The following PHACTR3 variants were observed in gnomAD, a reference collection of about 807,000 sequenced individuals.
The protein encoded by PHACTR3 is protein phosphatase 1, regulatory subunit 123.
A neutral mutation model predicts 66.8 loss-of-function variants in PHACTR3; 16 were observed. The observed-to-expected ratio is 0.24, with a 90% CI of 0.16 to 0.36. The LOEUF (loss-of-function observed/expected upper bound fraction) is 0.36. Among genes scored for constraint, PHACTR3 ranks in the 10% least tolerant of loss-of-function variants. The probability of loss-of-function intolerance (pLI) is 1.00; values close to 1 mark genes in which losing one functional copy is unlikely to be tolerated. For missense variants in PHACTR3, 647 were observed against 719.9 expected, an observed-to-expected ratio of 0.90 and a Z score of 1.16; for synonymous variants, 323 against 292.1, an observed-to-expected ratio of 1.11 and a Z score of -1.08.
At chr20:59,845,365 C>G (rs1365244939) in intron 12 of PHACTR3, 100 bp downstream of exon 12, 3 of 746,966 alleles carry the variant, frequency 4.0e-6, no homozygotes, top group Non-Finnish European at 6.8e-6. Flanking sequence ...TATACAAATT[C>G]AGCATTTTTC....
At chr20:59,692,401 A>G (rs1039058772) in intron 1 of PHACTR3, among the ~76,000 whole-genome samples, 2 of 152,174 alleles carry the variant, frequency 1.3e-5, no homozygotes, top group Non-Finnish European at 2.9e-5. Flanking sequence ...CCAATTGCCC[A>G]GTGATGATTT....
chr20:59,809,779 C>G (rs1369493177), intron 8 of PHACTR3, among the ~76,000 whole-genome samples: 6 of 152,142 alleles, frequency 3.9e-5, no homozygotes, highest in Admixed American at 3.9e-4. Context: ...AGTTCAGGCG[C>G]TGTAGTGATG....
intron 4 of PHACTR3, among the ~76,000 whole-genome samples, chr20:59,758,945 G>A (rs991464937): frequency 3.9e-5 from 6 of 151,980 alleles, no homozygotes; most frequent in Non-Finnish European, 5.9e-5. Context: ...AACCCACACC[G>A]AGCACTTGGA....
At chr20:59,581,677 C>T (rs536686751) in intron 1 of PHACTR3, among the ~76,000 whole-genome samples, 2 of 152,170 alleles carry the variant, frequency 1.3e-5, no homozygotes, top group African/African-American at 2.4e-5. Flanking sequence ...GTCAGGAGAT[C>T]GAGACCATCC....
intron 1 of PHACTR3, among the ~76,000 whole-genome samples, chr20:59,657,251 AGTGTGTT>A (rs1421504942): frequency 2.5e-5 from 3 of 121,250 alleles, no homozygotes; most frequent in African/African-American, 9.7e-5. Context: ...CAATGATAGA[AGTGTGTT>A]GTGTGTGTGT....
intron 7 of PHACTR3, among the ~76,000 whole-genome samples, chr20:59,776,399 G>GC (rs1332781282): frequency 6.6e-6 from 1 of 152,194 alleles, no homozygotes; most frequent in Non-Finnish European, 1.5e-5. Flanking sequence ...TCCGCTCTGT[G>GC]CTAGACCCTC....
intron 7 of PHACTR3, among the ~76,000 whole-genome samples, chr20:59,790,148 G>A (rs1488449157): frequency 6.6e-6 from 1 of 151,942 alleles, no homozygotes; most frequent in Non-Finnish European, 1.5e-5. Flanking sequence ...TAAAGTTCAG[G>A]GGTACATGTG....
intron 7 of PHACTR3, among the ~76,000 whole-genome samples, chr20:59,777,887 G>A (rs2040591539): frequency 6.6e-6 from 1 of 152,116 alleles, no homozygotes; most frequent in African/African-American, 2.4e-5. Flanking sequence ...GCTCCAGGGT[G>A]TCTCTGTGGA....
At position 59,738,944 on chromosome 20, in the gene PHACTR3, C is replaced by T. The variant is rs1234121188; in HGVS notation, c.119-4163C>T. On this transcript the variant is annotated intron_variant, in intron 1 of 12. Coordinates refer to ENST00000371015, the MANE Select transcript of PHACTR3 (RefSeq NM_080672.5). This position sits in a 1 kb window ranked among gnomAD's most constrained non-coding sequence, Gnocchi z 4.4. ...CTCAGGACAGCAGGCTTTCCCAGGG[C>T]CATGTGGAGTCACAGTCTTGCTCCC... is the stretch of plus-strand genomic sequence containing the variant. 2.0e-5 allele frequency among the ~76,000 whole-genome samples: 3 copies of T among 152,074 alleles called. No individual in the cohort carries two copies. Among genetic ancestry groups the T allele is most frequent in the Non-Finnish European group, 2.9e-5 (2 of 67,988 alleles).
chr20:59,836,702 T>G, intron 9 of PHACTR3, 142 bp downstream of exon 9: 1 of 766,124 alleles, frequency 1.3e-6, no homozygotes, highest in South Asian at 1.9e-5. Flanking sequence ...TGCTGAATTC[T>G]GAAAGCAAGC....
chr20:59,683,011 G>A (rs921103558), intron 1 of PHACTR3, among the ~76,000 whole-genome samples: 14 of 152,340 alleles, frequency 9.2e-5, no homozygotes, highest in African/African-American at 3.4e-4. Flanking sequence ...GACCAGCCTA[G>A]CAGTCATTGC....
intron 1 of PHACTR3, among the ~76,000 whole-genome samples, chr20:59,621,321 G>T (rs938113706): frequency 3.9e-5 from 6 of 152,244 alleles, no homozygotes; most frequent in African/African-American, 1.4e-4. Flanking sequence ...GGCAGAGTTG[G>T]GGCTTGCCCA....
At chr20:59,713,315 G>A (rs969710144) in intron 1 of PHACTR3, among the ~76,000 whole-genome samples, 8 of 152,114 alleles carry the variant, frequency 5.3e-5, no homozygotes, top group Non-Finnish European at 1.0e-4. Context: ...ACATTACTTT[G>A]CACAGAGCAG....
chr20:59,600,619 G>A (rs2033449624), upstream of PHACTR3, among the ~76,000 whole-genome samples: 1 of 152,170 alleles, frequency 6.6e-6, no homozygotes, highest in South Asian at 2.1e-4. Context: ...GTGCTCCCTG[G>A]CTGCCCCTGG....
intron 4 of PHACTR3, among the ~76,000 whole-genome samples, chr20:59,765,947 G>A (rs2040166195): frequency 6.6e-6 from 1 of 152,226 alleles, no homozygotes; most frequent in African/African-American, 2.4e-5. Context: ...TGTATGCCAG[G>A]TGCCTTCCAC....
chr20:59,666,013 G>A (rs2035974357), intron 1 of PHACTR3, among the ~76,000 whole-genome samples: 1 of 152,150 alleles, frequency 6.6e-6, no homozygotes, highest in Admixed American at 6.5e-5. Context: ...AGAGACCAGA[G>A]AGGACTGGGG....
intron 1 of PHACTR3, among the ~76,000 whole-genome samples, chr20:59,636,161 G>T (rs1479754437): frequency 6.6e-6 from 1 of 152,174 alleles, no homozygotes; most frequent in Non-Finnish European, 1.5e-5. Context: ...GTTCCCAGAA[G>T]TCACTGCTTG....
chr20:59,684,904 C>T (rs770034089), intron 1 of PHACTR3, among the ~76,000 whole-genome samples: 21 of 152,202 alleles, frequency 1.4e-4, no homozygotes, highest in Non-Finnish European at 2.4e-4. Context: ...GCATGTCCCA[C>T]GGCTCAGCAT....
Position 59,604,879 on chromosome 20 carries a change from T to G in PHACTR3, c.-136T>G. The G allele has an allele frequency of 2.7e-5, 10 of 364,122 alleles. No homozygotes were observed. Among genetic ancestry groups the G allele is most frequent in the Non-Finnish European group, 2.6e-5 (7 of 266,484 alleles). 22.6% of individuals were successfully genotyped at this position (364,122 alleles called of 1,614,324 possible). On this transcript the variant is annotated 5_prime_UTR_variant, in exon 1 of 13. Transcript: ENST00000371015. ...TCCAGCTCGTTTCCTTTCCCGGCCT[T>G]TTTTTTTTTTTTTTTTTTTTAATTT...
Sources: allele counts gnomAD v4.1 joint callset (sites outside exome capture counted in the v4.1 genomes callset), GRCh38; gene constraint gnomAD v4.1.1; non-coding constraint Gnocchi (gnomAD v3.1); transcripts MANE v1.5; gene names NCBI Gene and HGNC (gene_info 2026-07-23, HGNC 2026-07-21).